Variants in KCNIP4 observed in about 807,000 individuals in gnomAD.
KCNIP4 encodes potassium voltage-gated channel interacting protein 4.
In KCNIP4, 12 loss-of-function variants were observed where a neutral mutation model predicts 34.0. The ratio of observed to expected loss-of-function variants is 0.35; its 90% CI spans 0.23 to 0.57. The LOEUF is 0.57. Ranked by LOEUF, KCNIP4 falls within the 20% of genes least tolerant of loss-of-function variation. KCNIP4 has a pLI of 0.83. For missense variants in KCNIP4, 238 were observed against 311.7 expected, an observed-to-expected ratio of 0.76 and a Z score of 1.78; for synonymous variants, 124 against 102.2, an observed-to-expected ratio of 1.21 and a Z score of -1.29.
intron 3 of KCNIP4, among the ~76,000 whole-genome samples, chr4:20,845,041 G>C (rs1720196707): frequency 6.6e-6 from 1 of 152,170 alleles, no homozygotes; most frequent in Non-Finnish European, 1.5e-5. Context: ...AGGTGTTGCT[G>C]CTTCCTCACA....
intron 1 of KCNIP4, among the ~76,000 whole-genome samples, chr4:21,838,930 A>T (rs1424383695): frequency 6.6e-6 from 1 of 152,170 alleles, no homozygotes; most frequent in Non-Finnish European, 1.5e-5. Context: ...GTTGCATATG[A>T]TTTTCTATGA....
rs75427376 is a variant in KCNIP4 at position 21,903,929 on chromosome 4, G to A, written c.61+44642C>T. On this transcript the variant is annotated intron_variant, in intron 1 of 8. Transcript: ENST00000382152. ...TTTTTAACAATTAAACAATTTTATCGTCTCATATCTTCAAAATATATTCTG... is the reference window on the plus strand; with the variant it reads ...TTTTTAACAATTAAACAATTTTATCATCTCATATCTTCAAAATATATTCTG... Among the ~76,000 whole-genome samples, 929 of 151,902 alleles carry A rather than the reference G, an allele frequency of 6.1e-3. 25 individuals carry two copies. In the East Asian group the frequency reaches 0.1, roughly 17 times the overall value.
intron 1 of KCNIP4, among the ~76,000 whole-genome samples, chr4:21,507,002 G>T (rs1214284381): frequency 6.6e-6 from 1 of 151,642 alleles, no homozygotes; most frequent in Non-Finnish European, 1.5e-5. Flanking sequence ...TGCCTAGGTT[G>T]GTGTCAAATT....
At chr4:21,383,271 T>C (rs1721688449) in intron 1 of KCNIP4, among the ~76,000 whole-genome samples, 1 of 151,938 alleles carries the variant, frequency 6.6e-6, no homozygotes, top group Non-Finnish European at 1.5e-5. Context: ...TAGTTTGTTA[T>C]GGCAGCCCTA....
intron 1 of KCNIP4, among the ~76,000 whole-genome samples, chr4:21,564,615 G>A (rs1184676830): frequency 3.9e-5 from 6 of 152,028 alleles, no homozygotes; most frequent in African/African-American, 1.4e-4. Context: ...GTAATTCCGT[G>A]TCTTAGTCTG....
At chr4:20,737,170 G>A (rs1481641242) in intron 5 of KCNIP4, among the ~76,000 whole-genome samples, 1 of 152,202 alleles carries the variant, frequency 6.6e-6, no homozygotes, top group Non-Finnish European at 1.5e-5. Flanking sequence ...TCCAGAGAAA[G>A]CCACAAGGAA....
intron 1 of KCNIP4, among the ~76,000 whole-genome samples, chr4:21,489,251 T>C (rs1732165647): frequency 6.7e-6 from 1 of 148,836 alleles, no homozygotes; most frequent in Non-Finnish European, 1.5e-5. Flanking sequence ...TACTTTTGTA[T>C]CGAGTAAAAG....
chr4:20,855,018 C>T (rs1302422522), intron 2 of KCNIP4, among the ~76,000 whole-genome samples: 2 of 152,092 alleles, frequency 1.3e-5, no homozygotes, highest in East Asian at 1.9e-4. Context: ...TATAGGTTTG[C>T]GAAGACCTGT....
intron 1 of KCNIP4, among the ~76,000 whole-genome samples, chr4:21,871,790 C>T (rs563324387): frequency 8.2e-5 from 12 of 145,756 alleles, no homozygotes; most frequent in African/African-American, 2.5e-4. Flanking sequence ...CCCCACCCCC[C>T]GCCTTACCCC....
rs149366624 is a variant in KCNIP4 at position 21,610,709 on chromosome 4, C to A, written c.61+337862G>T. ...ATTTTCATACTGCTACAAAGAAAAA[C>A]CCGAGACTGGGTAATTTATAAAAGA... On this transcript the variant is annotated intron_variant, in intron 1 of 8. Transcript: ENST00000382152. Among the ~76,000 whole-genome samples, 124 of 152,120 alleles carry A rather than the reference C, an allele frequency of 8.2e-4. 1 individual carries two copies. Among genetic ancestry groups the A allele is most frequent in the Middle Eastern group, 3.4e-3 (1 of 294 alleles).
chr4:21,344,523 G>A (rs1186157859), intron 1 of KCNIP4, among the ~76,000 whole-genome samples: 2 of 152,066 alleles, frequency 1.3e-5, no homozygotes, highest in African/African-American at 4.8e-5. Context: ...GAATCTAAAA[G>A]GAGCAGCCAC....
At position 21,234,302 on chromosome 4, in the gene KCNIP4, C is replaced by CATATATT. The variant is rs1759134218; in HGVS notation, c.62-351594_62-351593insAATATAT. Among the ~76,000 whole-genome samples, 4 of 91,380 alleles carry CATATATT rather than the reference C, an allele frequency of 4.4e-5. 1 individual carries two copies. The highest frequency in any genetic ancestry group is 6.6e-4 in the South Asian group (2 of 3,046). 59.9% of individuals were successfully genotyped at this position (91,380 alleles called of 152,430 possible). On this transcript the variant is annotated intron_variant, in intron 1 of 8. Coordinates refer to ENST00000382152, the MANE Select transcript of KCNIP4 (RefSeq NM_025221.6). ...TATATATAACATATATTATATATAA[C>CATATATT]ATATATAACATATATATAACATATA... is the stretch of plus-strand genomic sequence containing the variant.
At chr4:20,859,764 T>G (rs1451696416) in intron 2 of KCNIP4, among the ~76,000 whole-genome samples, 1 of 152,200 alleles carries the variant, frequency 6.6e-6, no homozygotes. Context: ...AATCATGCCA[T>G]CCAGAACACT....
chr4:21,460,560 C>T (rs576617764), intron 1 of KCNIP4, among the ~76,000 whole-genome samples: 5 of 152,182 alleles, frequency 3.3e-5, no homozygotes, highest in Non-Finnish European at 7.4e-5. Flanking sequence ...TACAGTCAGC[C>T]TTCTTTTTGC....
At chr4:20,766,774 T>G (rs1382273841) in intron 3 of KCNIP4, 1 of 152,170 alleles carries the variant, frequency 6.6e-6, no homozygotes, top group Non-Finnish European at 1.5e-5. Flanking sequence ...GTCCATACAA[T>G]AGCTGGTAAT....
intron 1 of KCNIP4, among the ~76,000 whole-genome samples, chr4:21,455,780 A>T (rs1728875820): frequency 7.2e-6 from 1 of 139,576 alleles, no homozygotes. Context: ...ATGTATAGTC[A>T]TATTAATGTG....
intron 1 of KCNIP4, among the ~76,000 whole-genome samples, chr4:21,870,688 G>T (rs1438456842): frequency 6.6e-6 from 1 of 152,098 alleles, no homozygotes; most frequent in Non-Finnish European, 1.5e-5. Context: ...AAGCTTCTTT[G>T]TTTACTCTGA....
Position 20,975,256 on chromosome 4 carries a change from G to A in KCNIP4, c.62-92547C>T, listed in dbSNP as rs112094955. Reference sequence around the variant, plus strand: ...ATTTTTTAACATTTGTTCATTGAATGTATGTGTCCTAGACTCGAAAGGCTC... The same window carrying A: ...ATTTTTTAACATTTGTTCATTGAATATATGTGTCCTAGACTCGAAAGGCTC... On this transcript the variant is annotated intron_variant, in intron 1 of 8. Transcript: ENST00000382152. 4.5e-3 allele frequency among the ~76,000 whole-genome samples: 681 copies of A among 152,274 alleles called. 9 individuals carry two copies. Among genetic ancestry groups the A allele is most frequent in the African/African-American group, 0.016 (656 of 41,558 alleles).
intron 1 of KCNIP4, among the ~76,000 whole-genome samples, chr4:21,212,491 A>T (rs184276974): frequency 3.3e-5 from 5 of 152,324 alleles, no homozygotes; most frequent in Admixed American, 3.3e-4. Flanking sequence ...CGTCAGTCCC[A>T]AAAGGGTAAA....
Sources: allele counts gnomAD v4.1 joint callset (sites outside exome capture counted in the v4.1 genomes callset), GRCh38; gene constraint gnomAD v4.1.1; transcripts MANE v1.5; gene names NCBI Gene and HGNC (gene_info 2026-07-23, HGNC 2026-07-21).